Variants in ADAMTSL3 observed in about 807,000 individuals in gnomAD.
ADAMTSL3 encodes ADAMTS-like protein 3.
A neutral mutation model predicts 201.7 loss-of-function variants in ADAMTSL3; 128 were observed. The ratio of observed to expected loss-of-function variants is 0.63; its 90% CI spans 0.55 to 0.73. ADAMTSL3 has a LOEUF of 0.73. Among genes scored for constraint, ADAMTSL3 ranks in the 30% least tolerant of loss-of-function variants. ADAMTSL3 has a pLI of 0.00. For synonymous variants in ADAMTSL3, 738 were observed against 748.4 expected (o/e 0.99, Z 0.23); for missense variants, 1,990 against 2,119.6 (o/e 0.94, Z 1.20).
At chr15:83,852,661 GT>G (rs1221888184) in intron 7 of ADAMTSL3, among the ~76,000 whole-genome samples, 1 of 151,904 alleles carries the variant, frequency 6.6e-6, no homozygotes, top group African/African-American at 2.4e-5. Context: ...GCTAATTTGT[GT>G]TTTTTTCTTA....
At chr15:83,705,644 A>G (rs912115613) in intron 3 of ADAMTSL3, among the ~76,000 whole-genome samples, 2 of 151,978 alleles carry the variant, frequency 1.3e-5, no homozygotes, top group Admixed American at 6.6e-5. Context: ...CGGAGATTAG[A>G]GCATAGAGGG....
intron 19 of ADAMTSL3, among the ~76,000 whole-genome samples, chr15:83,953,201 CTCTT>C (rs2066789399): frequency 1.3e-5 from 2 of 152,010 alleles, no homozygotes; most frequent in Admixed American, 1.3e-4. Context: ...TTGCAGTCTT[CTCTT>C]TCTTCTTTCC....
chr15:83,696,635 C>G (rs1196274142), intron 2 of ADAMTSL3, among the ~76,000 whole-genome samples: 1 of 152,126 alleles, frequency 6.6e-6, no homozygotes, highest in African/African-American at 2.4e-5. Context: ...TCCTTGAATC[C>G]TTAGTGGCCA....
intron 17 of ADAMTSL3, among the ~76,000 whole-genome samples, chr15:83,937,093 A>G (rs1373624693): frequency 1.3e-5 from 2 of 151,008 alleles, no homozygotes; most frequent in African/African-American, 5.0e-5. Flanking sequence ...TATTGTGGAA[A>G]GCAGTGTGGC....
chr15:83,689,374 G>T (rs1335081233), intron 2 of ADAMTSL3, among the ~76,000 whole-genome samples: 1 of 152,144 alleles, frequency 6.6e-6, no homozygotes, highest in Non-Finnish European at 1.5e-5. Context: ...TGTATGCACA[G>T]CAAAGGTGAA....
chr15:83,839,618 A>G (rs1465453133), intron 7 of ADAMTSL3, among the ~76,000 whole-genome samples: 1 of 152,128 alleles, frequency 6.6e-6, no homozygotes, highest in Admixed American at 6.5e-5. Context: ...GCTATTCAAG[A>G]GTGTTTAAAA....
chr15:83,678,266 A>G (rs2061432268), intron 2 of ADAMTSL3, among the ~76,000 whole-genome samples: 2 of 151,996 alleles, frequency 1.3e-5, no homozygotes, highest in Non-Finnish European at 2.9e-5. Context: ...TTTTGAAGCC[A>G]TCTTCTGTTA....
intron 6 of ADAMTSL3, among the ~76,000 whole-genome samples, chr15:83,823,156 G>A (rs1226822963): frequency 6.9e-6 from 1 of 144,124 alleles, no homozygotes; most frequent in Admixed American, 7.0e-5. Flanking sequence ...GTACAGTCCA[G>A]CTTTGGCTTG....
intron 21 of ADAMTSL3, 135 bp downstream of exon 21, chr15:83,983,479 A>G: frequency 1.4e-6 from 1 of 698,746 alleles, no homozygotes; most frequent in Non-Finnish European, 2.2e-6. Flanking sequence ...GAAACTAAAA[A>G]ATGTTAAGAT....
intron 6 of ADAMTSL3, among the ~76,000 whole-genome samples, chr15:83,824,171 G>T (rs1567170285): frequency 6.6e-6 from 1 of 151,244 alleles, no homozygotes. Context: ...AGCCTCCCAC[G>T]TAGCTGGGAC....
At chr15:83,700,815 A>G (rs2061765066) in intron 2 of ADAMTSL3, among the ~76,000 whole-genome samples, 1 of 152,200 alleles carries the variant, frequency 6.6e-6, no homozygotes, top group South Asian at 2.1e-4. Flanking sequence ...AGTAAGAGCA[A>G]TTAGCAATAG....
intron 23 of ADAMTSL3, among the ~76,000 whole-genome samples, chr15:84,004,318 C>T (rs1203642724): frequency 1.3e-5 from 2 of 152,162 alleles, no homozygotes; most frequent in East Asian, 3.9e-4. Context: ...TCCTGAGAAC[C>T]AAGGATTTTT....
Position 83,983,315 on chromosome 15 carries a change from G to C in ADAMTSL3, c.3687G>C (p.Lys1229Asn). 1 of 1,546,536 alleles carries C rather than the reference G, an allele frequency of 6.5e-7. No homozygotes were observed. The stretch of plus-strand genomic sequence containing the variant: ...GTGAGGCCACATATACATGGACCAA[G>C]GATGGAACCTTGTTACAGCCCTCAG... ...TPSEATYTWT[K>N]DGTLLQPSVK... Residue 1229 changes from lysine (K) to asparagine (N), a missense_variant, in exon 21 of 30, where the codon AAG becomes AAC. By Grantham distance (94) the Lys-to-Asn change is moderately conservative. Transcript: ENST00000286744.
intron 3 of ADAMTSL3, among the ~76,000 whole-genome samples, chr15:83,771,167 CTTTTTT>C (rs10572931): frequency 1.5e-5 from 2 of 134,350 alleles, no homozygotes; most frequent in African/African-American, 5.6e-5. Flanking sequence ...TTTCTGGACT[CTTTTTT>C]TTTTTTTTTT....
At chr15:83,671,962 A>G (rs970203868) in intron 2 of ADAMTSL3, among the ~76,000 whole-genome samples, 4 of 152,366 alleles carry the variant, frequency 2.6e-5, no homozygotes, top group East Asian at 3.9e-4. Flanking sequence ...AATATTATCA[A>G]TAAAGGATAT....
At chr15:84,005,704 C>T (rs1358526216) in intron 23 of ADAMTSL3, among the ~76,000 whole-genome samples, 1 of 152,162 alleles carries the variant, frequency 6.6e-6, no homozygotes, top group Non-Finnish European at 1.5e-5. Flanking sequence ...AGGAAGAGGA[C>T]TTGTTGACAC....
At chr15:83,888,431 A>T (rs1478526071) in intron 10 of ADAMTSL3, among the ~76,000 whole-genome samples, 2 of 152,144 alleles carry the variant, frequency 1.3e-5, no homozygotes, top group East Asian at 1.9e-4. Flanking sequence ...AAGGAGCTGT[A>T]ATCTCATTTT....
intron 2 of ADAMTSL3, among the ~76,000 whole-genome samples, chr15:83,679,499 A>T (rs1433514398): frequency 6.6e-6 from 1 of 152,092 alleles, no homozygotes; most frequent in African/African-American, 2.4e-5. Context: ...GATCATGTTT[A>T]GATCTAGTGT....
intron 2 of ADAMTSL3, among the ~76,000 whole-genome samples, chr15:83,677,395 A>AT (rs1160423548): frequency 5.9e-5 from 9 of 152,088 alleles, no homozygotes; most frequent in African/African-American, 2.2e-4. Flanking sequence ...GTATAGTTTC[A>AT]TTGAGTATAA....
Sources: allele counts gnomAD v4.1 joint callset (sites outside exome capture counted in the v4.1 genomes callset), GRCh38; gene constraint gnomAD v4.1.1; transcripts MANE v1.5; gene names NCBI Gene and HGNC (gene_info 2026-07-23, HGNC 2026-07-21).